DNAJB6: variants seen among roughly 807,000 people sequenced by gnomAD.
The protein encoded by DNAJB6 is DnaJ heat shock protein family (Hsp40) member B6.
A neutral mutation model predicts 42.7 loss-of-function variants in DNAJB6; 16 were observed. The observed-to-expected ratio is 0.37, with a 90% confidence interval of 0.25 to 0.57. The LOEUF (loss-of-function observed/expected upper bound fraction) is 0.57. Ranked by LOEUF, DNAJB6 falls within the 20% of genes least tolerant of loss-of-function variation. DNAJB6 has a pLI of 0.74. For synonymous variants in DNAJB6, 170 were observed against 163.5 expected (o/e 1.04, Z -0.30); for missense variants, 347 against 416.8 (o/e 0.83, Z 1.46).
At chr7:157,362,396 C>CG (rs1799647112) in intron 2 of DNAJB6, among the ~76,000 whole-genome samples, 1 of 152,020 alleles carries the variant, frequency 6.6e-6, no homozygotes, top group Non-Finnish European at 1.5e-5. Flanking sequence ...TTTTTTGAGA[C>CG]GGAGTTTCGC....
chr7:157,397,640 G>A (rs756620722), intron 8 of DNAJB6, among the ~76,000 whole-genome samples: 1 of 152,222 alleles, frequency 6.6e-6, no homozygotes, highest in Non-Finnish European at 1.5e-5. Flanking sequence ...CCCTGGGCAC[G>A]TCCCCGTGCC....
chr7:157,375,583 G>C (rs182157086), intron 5 of DNAJB6, among the ~76,000 whole-genome samples: 7 of 152,344 alleles, frequency 4.6e-5, no homozygotes, highest in African/African-American at 1.7e-4. Context: ...CACTATTCTA[G>C]GTGCTGGTTT....
At chr7:157,376,684 C>A (rs1046905899) in intron 5 of DNAJB6, among the ~76,000 whole-genome samples, 2 of 152,028 alleles carry the variant, frequency 1.3e-5, no homozygotes, top group African/African-American at 2.4e-5. Flanking sequence ...AGTTCCAGAC[C>A]AGCCTGGCCA....
At chr7:157,398,401 C>T (rs1443638982) in intron 8 of DNAJB6, among the ~76,000 whole-genome samples, 1 of 152,226 alleles carries the variant, frequency 6.6e-6, no homozygotes, top group Non-Finnish European at 1.5e-5. Flanking sequence ...AAGGAGCAGT[C>T]TCCCCAGGGG....
At chr7:157,343,764 T>G (rs938278794) in intron 1 of DNAJB6, among the ~76,000 whole-genome samples, 4 of 152,148 alleles carry the variant, frequency 2.6e-5, no homozygotes, top group Admixed American at 6.5e-5. Context: ...TGTGACGTGT[T>G]TTTTTAAAAG....
chr7:157,363,151 T>C lies in DNAJB6; in HGVS notation c.66-10T>C. ...TTAGAATGTGATCTATATCCTTTAT[T>C]CTTTCCAAGATATCGGAAACTGGCA... On this transcript the variant is annotated splice_polypyrimidine_tract_variant and intron_variant, in intron 2 of 9. Transcript: ENST00000262177. 6.4e-7 allele frequency: 1 copy of C among 1,568,570 alleles called. No homozygotes were observed. The highest frequency in any genetic ancestry group is 1.3e-5 in the African/African-American group (1 of 74,262).
At chr7:157,375,654 G>C (rs533843895) in intron 5 of DNAJB6, among the ~76,000 whole-genome samples, 1 of 152,194 alleles carries the variant, frequency 6.6e-6, no homozygotes, top group African/African-American at 2.4e-5. Context: ...GCGGAGCTCC[G>C]GCCGTGTTCT....
intron 1 of DNAJB6, among the ~76,000 whole-genome samples, chr7:157,339,120 C>T (rs749076381): frequency 1.8e-4 from 28 of 151,998 alleles, no homozygotes; most frequent in Non-Finnish European, 4.1e-4. Flanking sequence ...CAGTGTGATA[C>T]CTGTTACTGA....
chr7:157,404,528 T>G (rs1316443973), intron 8 of DNAJB6, among the ~76,000 whole-genome samples: 1 of 148,658 alleles, frequency 6.7e-6, no homozygotes, highest in Non-Finnish European at 1.5e-5. Context: ...TTTTTTTTTT[T>G]GGTAAGGAGT....
At chr7:157,396,971 C>G (rs1160383933) in intron 8 of DNAJB6, among the ~76,000 whole-genome samples, 1 of 152,224 alleles carries the variant, frequency 6.6e-6, no homozygotes, top group African/African-American at 2.4e-5. Flanking sequence ...GGACGTGATG[C>G]CAGTGGTAGC....
At chr7:157,384,269 TA>T (rs1223690600) in intron 6 of DNAJB6, among the ~76,000 whole-genome samples, 3 of 152,250 alleles carry the variant, frequency 2.0e-5, no homozygotes, top group Non-Finnish European at 4.4e-5. Context: ...CGAATACTTG[TA>T]TTCTTTCTGC....
chr7:157,353,942 G>T (rs1799142132), intron 1 of DNAJB6, among the ~76,000 whole-genome samples: 1 of 152,098 alleles, frequency 6.6e-6, no homozygotes, highest in Non-Finnish European at 1.5e-5. Flanking sequence ...GGAATTATAG[G>T]AGTGAGCCAC....
At chr7:157,352,365 T>G (rs1445731563) in intron 1 of DNAJB6, among the ~76,000 whole-genome samples, 2 of 152,010 alleles carry the variant, frequency 1.3e-5, no homozygotes, top group Non-Finnish European at 2.9e-5. Flanking sequence ...ATTTTCTTTT[T>G]TACTCCAAGT....
intron 1 of DNAJB6, among the ~76,000 whole-genome samples, chr7:157,349,139 C>T (rs2116893072): frequency 6.6e-6 from 1 of 152,246 alleles, no homozygotes; most frequent in African/African-American, 2.4e-5. Flanking sequence ...GCCTCGGCCT[C>T]CCAGTAGTGC....
intron 1 of DNAJB6, among the ~76,000 whole-genome samples, chr7:157,353,431 A>G (rs1310750795): frequency 6.6e-6 from 1 of 152,212 alleles, no homozygotes; most frequent in East Asian, 1.9e-4. Context: ...TGACACCGCT[A>G]CAGTATTGTT....
At chr7:157,337,856 G>A (rs1297282997) in intron 1 of DNAJB6, 1 of 152,214 alleles carries the variant, frequency 6.6e-6, no homozygotes, top group Non-Finnish European at 1.5e-5. Flanking sequence ...ATATTGGCTC[G>A]AGAAAGGTTT....
intron 3 of DNAJB6, 96 bp from the exon 4 acceptor site, chr7:157,366,406 C>T (rs1799845491): frequency 2.6e-6 from 3 of 1,150,856 alleles, no homozygotes; most frequent in East Asian, 2.4e-5. Flanking sequence ...AGTTGTAAAA[C>T]ATCGAAAACT....
intron 8 of DNAJB6, among the ~76,000 whole-genome samples, chr7:157,398,119 C>A (rs1019391815): frequency 6.6e-6 from 1 of 152,196 alleles, no homozygotes; most frequent in African/African-American, 2.4e-5. Flanking sequence ...CAGGGCTGTT[C>A]GATGTGCCTT....
intron 3 of DNAJB6, among the ~76,000 whole-genome samples, chr7:157,364,382 G>C (rs549932331): frequency 1.3e-5 from 2 of 152,226 alleles, no homozygotes; most frequent in African/African-American, 4.8e-5. Context: ...TAAAAACACC[G>C]ATATTTGAAG....
Sources: gnomAD v4.1 joint callset for allele counts (sites outside exome capture counted in the v4.1 genomes callset) on GRCh38, gnomAD v4.1.1 for gene constraint, MANE v1.5 for transcripts, NCBI Gene and HGNC (gene_info 2026-07-23, HGNC 2026-07-21) for gene names.